Variants in ADPRHL1 observed in about 807,000 individuals in gnomAD.
The protein encoded by ADPRHL1 is inactive ADP-ribosyltransferase ARH2.
A neutral mutation model predicts 44.1 loss-of-function variants in ADPRHL1; 43 were observed. That is an observed-to-expected ratio of 0.98 (90% CI 0.76 to 1.26). The LOEUF (loss-of-function observed/expected upper bound fraction) is 1.26, where lower values mean the gene tolerates loss of function less well. ADPRHL1 is among the 50% of genes most tolerant of loss of function. The pLI is 0.00. For synonymous variants in ADPRHL1, 878 were observed against 1,017.4 expected (o/e 0.86, Z 2.61); for missense variants, 2,022 against 2,496.9 (o/e 0.81, Z 4.05).
chr13:113,403,360 C>T lies in ADPRHL1; in HGVS notation c.*18G>A, dbSNP rs535684975. 118 of 1,231,942 alleles carry T rather than the reference C, an allele frequency of 9.6e-5. No individual in the cohort carries two copies. In the African/African-American group the frequency reaches 1.5e-3, roughly 16 times the overall value. 76.3% of individuals were successfully genotyped at this position (1,231,942 alleles called of 1,614,324 possible). On this transcript the variant is annotated 3_prime_UTR_variant, in exon 8 of 8. Transcript: ENST00000612156. ...GGATGTCACAGTGCTGGGCGAGCCACGGTGTGTACTCGGGGCCTCACTTTG... is the reference window on the plus strand; with the variant it reads ...GGATGTCACAGTGCTGGGCGAGCCATGGTGTGTACTCGGGGCCTCACTTTG...
At chr13:113,430,187 G>A (rs534008511) in intron 3 of ADPRHL1, among the ~76,000 whole-genome samples, 25 of 152,320 alleles carry the variant, frequency 1.6e-4, no homozygotes, top group African/African-American at 5.8e-4. Flanking sequence ...TTCCGCTAGT[G>A]TGCAAGCCAT....
intron 2 of ADPRHL1, among the ~76,000 whole-genome samples, chr13:113,437,614 G>A (rs1385747333): frequency 2.0e-5 from 3 of 152,220 alleles, no homozygotes; most frequent in East Asian, 3.8e-4. Context: ...TCTGAGAAGC[G>A]CCCACGTTGT....
intron 7 of ADPRHL1, among the ~76,000 whole-genome samples, chr13:113,419,010 C>T (rs1336358191): frequency 2.7e-5 from 4 of 148,854 alleles, no homozygotes; most frequent in Non-Finnish European, 3.0e-5. Context: ...CTTCCTCCCT[C>T]CCTTCCTTCC....
At chr13:113,421,320 CCGGGACACGCCCA>C in intron 7 of ADPRHL1, among the ~76,000 whole-genome samples, 1 of 140,692 alleles carries the variant, frequency 7.1e-6, no homozygotes, top group African/African-American at 2.8e-5. Context: ...CACGCCCACC[CCGGGACACGCCCA>C]CCCCCGGGAC....
intron 4 of ADPRHL1, among the ~76,000 whole-genome samples, chr13:113,425,544 G>C (rs1044833284): frequency 3.3e-5 from 5 of 151,944 alleles, no homozygotes; most frequent in Non-Finnish European, 5.9e-5. Context: ...GCTAATTTTT[G>C]TATTTTTAGT....
At position 113,403,470 on chromosome 13, in the gene ADPRHL1, T is replaced by C; in HGVS notation, c.5812A>G (p.Lys1938Glu). ...RGRSRHLAKY[K>E]AQSFRDQRAF... ...CTCTGGTCACGGAAGCTCTGGGCTT[T>C]GTACTTGGCCAGGTGCCTGGACCTC... The change falls in exon 8 of 8, where the codon AAA (lysine) becomes GAA (glutamate). Residue 1938 changes from lysine (K) to glutamate (E), a missense_variant. This residue lies in a region of ADPRHL1 where 205 missense variants were observed against 250.1 expected (regional missense o/e 0.82). Coordinates refer to ENST00000612156, the MANE Select transcript of ADPRHL1 (RefSeq NM_001394807.1). 8.1e-7 allele frequency: 1 copy of C among 1,232,064 alleles called. No individual in the cohort carries two copies. The highest frequency in any genetic ancestry group is 1.0e-6 in the Non-Finnish European group (1 of 987,984). 76.3% of individuals were successfully genotyped at this position (1,232,064 alleles called of 1,614,324 possible). A position where few individuals can be genotyped will look rare whatever the true frequency, so the allele number is the denominator to read the frequency against.
At chr13:113,450,952 A>ACAC (rs1555328339) in intron 1 of ADPRHL1, among the ~76,000 whole-genome samples, 6 of 127,800 alleles carry the variant, frequency 4.7e-5, no homozygotes, top group African/African-American at 1.4e-4. Flanking sequence ...GGAAAGGGAG[A>ACAC]CCCCCCCCCC....
rs1000227895 is a variant in ADPRHL1, at chr13:113,406,484, A to C, written c.2798T>G (p.Val933Gly). Residue 933 changes from valine (V) to glycine (G), a missense_variant, in exon 8 of 8, where the codon GTG becomes GGG. By Grantham distance (109) the Val-to-Gly change is moderately radical. Coordinates refer to ENST00000612156, the MANE Select transcript of ADPRHL1 (RefSeq NM_001394807.1). ...APRLAAARGA[V>G]GADHSVPETL... ...CTCTGGGACACTGTGGTCGGCGCCC[A>C]CAGCCCCTCTTGCTGCTGCCAGACG... The C allele has an allele frequency of 1.9e-5, 24 of 1,231,736 alleles. No homozygotes were observed. The highest frequency in any genetic ancestry group is 2.2e-5 in the Non-Finnish European group (22 of 987,974). The allele number at this position is 1,231,736 out of a possible 1,614,324, so 76.3% of individuals were successfully genotyped here. A position where few individuals can be genotyped will look rare whatever the true frequency, so the allele number is the denominator to read the frequency against.
At position 113,423,544 on chromosome 13, in the gene ADPRHL1, G is replaced by T. The variant is rs1358517714; in HGVS notation, c.908-565C>A. Among the ~76,000 whole-genome samples the T allele has an allele frequency of 2.0e-5, 3 of 152,328 alleles. No homozygotes were observed. The East Asian group carries it at 5.8e-4, about 29-fold the overall frequency. On this transcript the variant is annotated intron_variant, in intron 6 of 7. Coordinates refer to ENST00000612156, the MANE Select transcript of ADPRHL1 (RefSeq NM_001394807.1). The stretch of plus-strand genomic sequence containing the variant: ...TTTCCCAGCTCATGTCTGTGGTCAA[G>T]CTCAGCTCCAAGCCTCACTGAAGGG...
In ADPRHL1 at chr13:113,453,182, T is replaced by TC. The variant is rs754251047; in HGVS notation, c.214+41dup. Reference sequence around the variant, plus strand: ...CTGGGAGAACTCGAGCAGCCAGTGTTCCCTCCAGCCCGCACACCGGAGCGC... The same window carrying TC: ...CTGGGAGAACTCGAGCAGCCAGTGTTCCCCTCCAGCCCGCACACCGGAGCGC... On this transcript the variant is annotated intron_variant, in intron 1 of 7. Transcript: ENST00000612156. The surrounding 1 kb of genome is among the most constrained non-coding windows in gnomAD (Gnocchi z 5.4). 4 of 1,605,794 alleles carry TC rather than the reference T, an allele frequency of 2.5e-6. No homozygotes were observed. In the South Asian group the frequency reaches 4.4e-5, roughly 18 times the overall value.
At chr13:113,434,276 T>A (rs1035447817) in intron 2 of ADPRHL1, among the ~76,000 whole-genome samples, 5 of 151,918 alleles carry the variant, frequency 3.3e-5, no homozygotes, top group Admixed American at 2.0e-4. Context: ...AGGCGCAGGG[T>A]GAACATAGGT....
chr13:113,446,200 C>G (rs1263343252), intron 1 of ADPRHL1, among the ~76,000 whole-genome samples: 1 of 144,024 alleles, frequency 6.9e-6, no homozygotes, highest in Non-Finnish European at 1.5e-5. Context: ...AAGCAGGGCC[C>G]CTTGGCTGTG....
rs61968971 is a variant in ADPRHL1 at position 113,422,986 on chromosome 13, C to A, written c.908-7G>T. 1.2e-6 allele frequency: 2 copies of A among 1,612,668 alleles called. No individual in the cohort carries two copies. Among genetic ancestry groups the A allele is most frequent in the Admixed American group, 3.3e-5 (2 of 60,008 alleles). On this transcript the variant is annotated splice_polypyrimidine_tract_variant and splice_region_variant and intron_variant, in intron 6 of 7. Transcript: ENST00000612156. ...CCCGTGGCCGCGCTCTCCCCTGAAA[C>A]GCAAAGGCAGCAGTTGCAGTGGGCT...
At chr13:113,433,617 C>T in intron 3 of ADPRHL1, 125 bp downstream of exon 3, 2 of 1,448,560 alleles carry the variant, frequency 1.4e-6, no homozygotes, top group East Asian at 2.5e-5. Flanking sequence ...CTCCTTTAAG[C>T]AGACGTGCAG....
intron 7 of ADPRHL1, among the ~76,000 whole-genome samples, chr13:113,413,526 G>A (rs1396076410): frequency 1.3e-5 from 2 of 152,214 alleles, no homozygotes; most frequent in African/African-American, 2.4e-5. Flanking sequence ...CGTGTCTCCC[G>A]AGGCGCCCTG....
At chr13:113,451,674 G>T (rs553896556) in intron 1 of ADPRHL1, among the ~76,000 whole-genome samples, 1 of 152,112 alleles carries the variant, frequency 6.6e-6, no homozygotes, top group East Asian at 1.9e-4. Flanking sequence ...CGGGCGTGGT[G>T]GTGGGCACCT....
In ADPRHL1 at chr13:113,402,922, G is replaced by A. The variant is rs1018647; in HGVS notation, c.*456C>T. The A allele has an allele frequency of 0.65, 99,272 of 153,174 alleles. 33,773 individuals carry two copies. The highest frequency in any genetic ancestry group is 0.84 in the African/African-American group (34,721 of 41,556). 9.5% of individuals were successfully genotyped at this position (153,174 alleles called of 1,614,324 possible). A position where few individuals can be genotyped will look rare whatever the true frequency, so the allele number is the denominator to read the frequency against. ...TGGATGGTGGGTGCCATGCGGCCAC[G>A]TCAGAGCAGGGCATGGTGGGGTGTG... On this transcript the variant is annotated 3_prime_UTR_variant, in exon 8 of 8. Transcript: ENST00000612156.
At chr13:113,416,821 A>G (rs1403395246) in intron 7 of ADPRHL1, among the ~76,000 whole-genome samples, 1 of 152,222 alleles carries the variant, frequency 6.6e-6, no homozygotes, top group Non-Finnish European at 1.5e-5. Flanking sequence ...ATTTCATCTG[A>G]AATATTTATG....
rs1301054143 is a variant in ADPRHL1, at chr13:113,405,174, G to A, written c.4108C>T (p.Arg1370Cys). The change falls in exon 8 of 8, where the codon CGT becomes TGT. Residue 1370 changes from arginine to cysteine, a missense_variant. By Grantham distance (180) the Arg-to-Cys change is radical. Around this residue, in one of 8 missense-constraint regions of ADPRHL1, gnomAD observed 1,221 missense variants for 1,517.8 expected, o/e 0.80. Transcript: ENST00000612156. ...CCCAGGTCCGCCTGTGTCAGGGGAC[G>A]CTCCTGGGATTCACCTGCCTGCGTC... ...PRTQAGESQERPLTQADLGRQ... is the reference protein window; with the variant it reads ...PRTQAGESQECPLTQADLGRQ... The A allele has an allele frequency of 5.7e-6, 7 of 1,231,938 alleles. No individual in the cohort carries two copies. The highest frequency in any genetic ancestry group is 1.5e-5 in the African/African-American group (1 of 64,558). 76.3% of individuals were successfully genotyped at this position (1,231,938 alleles called of 1,614,324 possible). A position where few individuals can be genotyped will look rare whatever the true frequency, so the allele number is the denominator to read the frequency against.
Sources: allele counts gnomAD v4.1 joint callset (sites outside exome capture counted in the v4.1 genomes callset), GRCh38; gene constraint gnomAD v4.1.1; regional missense constraint gnomAD v4.1.1; non-coding constraint Gnocchi (gnomAD v3.1); transcripts MANE v1.5; gene names NCBI Gene and HGNC (gene_info 2026-07-23, HGNC 2026-07-21).